MAP4K3: variants seen among roughly 807,000 people sequenced by gnomAD.
The protein encoded by MAP4K3 is MAPK/ERK kinase kinase kinase 3.
MAP4K3 carries 94 observed loss-of-function variants against 143.5 expected under a neutral mutation model. The ratio of observed to expected loss-of-function variants is 0.65; its 90% confidence interval spans 0.55 to 0.78. MAP4K3 has a LOEUF of 0.78. Among genes scored for constraint, MAP4K3 ranks in the 30% least tolerant of loss-of-function variants. The pLI is 0.00. For synonymous variants in MAP4K3, 416 were observed against 347.2 expected (o/e 1.20, Z -2.20); for missense variants, 1,077 against 1,068.1 (o/e 1.01, Z -0.12).
chr2:39,272,242 G>T (rs1454696299), intron 26 of MAP4K3, 41 bp downstream of exon 26: 4 of 1,380,278 alleles, frequency 2.9e-6, no homozygotes, highest in Middle Eastern at 1.8e-4. Flanking sequence ...TTATGAGAAT[G>T]AACTGTTAAT....
At chr2:39,322,627 T>G (rs2148512621) in intron 12 of MAP4K3, among the ~76,000 whole-genome samples, 2 of 151,514 alleles carry the variant, frequency 1.3e-5, no homozygotes, top group East Asian at 3.9e-4. Context: ...TATATATGTA[T>G]ATATAGATAA....
In MAP4K3 at chr2:39,436,293, T is replaced by C. The variant is rs1483201953; in HGVS notation, c.96+599A>G. Among the ~76,000 whole-genome samples, 11 of 151,892 alleles carry C rather than the reference T, an allele frequency of 7.2e-5. No individual in the cohort carries two copies. The East Asian group carries it at 1.9e-3, about 27-fold the overall frequency. ...AAATGGCATCGCAGTCCAATTCGAC[T>C]TAGAGAAAACAAAGTTGCTCTTTCC... On this transcript the variant is annotated intron_variant, in intron 1 of 33. Coordinates refer to ENST00000263881, the MANE Select transcript of MAP4K3 (RefSeq NM_003618.4).
At chr2:39,315,976 T>C (rs1266755542) in intron 12 of MAP4K3, among the ~76,000 whole-genome samples, 3 of 152,164 alleles carry the variant, frequency 2.0e-5, no homozygotes, top group Non-Finnish European at 4.4e-5. Context: ...TGTAATCGAT[T>C]TAACTAAGAC....
At chr2:39,315,510 T>G in intron 12 of MAP4K3, 122 bp from the exon 13 acceptor site, 1 of 529,742 alleles carries the variant, frequency 1.9e-6, no homozygotes, top group Non-Finnish European at 3.0e-6. Context: ...AAAACAGCAC[T>G]TTGCAAATTT....
In MAP4K3 at chr2:39,288,115, C is replaced by A; in HGVS notation, c.1474+6G>T. On this transcript the variant is annotated splice_donor_region_variant and intron_variant, in intron 20 of 33. Coordinates refer to ENST00000263881, the MANE Select transcript of MAP4K3 (RefSeq NM_003618.4). ...TAACATATTTGCTGTCACCCTCCAC[C>A]ATTACCTAAGGCAACAGGTTTGTGT... 1 of 1,613,692 alleles carries A rather than the reference C, an allele frequency of 6.2e-7. No homozygotes were observed. Among genetic ancestry groups the A allele is most frequent in the Non-Finnish European group, 8.5e-7 (1 of 1,179,782 alleles).
At chr2:39,434,371 G>C (rs78654976) in intron 1 of MAP4K3, among the ~76,000 whole-genome samples, 9,853 of 152,204 alleles carry the variant, frequency 0.065, 392 homozygotes, top group South Asian at 0.12. Flanking sequence ...AGGGGTACAT[G>C]ATGTCAAGAA....
intron 16 of MAP4K3, chr2:39,294,286 T>G (rs1205337547): frequency 1.3e-5 from 2 of 152,200 alleles, no homozygotes; most frequent in African/African-American, 4.8e-5. Flanking sequence ...TGTAAGCAAT[T>G]AACAGAATAG....
chr2:39,341,607 G>A (rs1354584046), intron 4 of MAP4K3, among the ~76,000 whole-genome samples: 1 of 151,084 alleles, frequency 6.6e-6, no homozygotes, highest in Admixed American at 6.6e-5. Context: ...AGTGAGCCGA[G>A]ATAGCACCAC....
intron 1 of MAP4K3, among the ~76,000 whole-genome samples, chr2:39,418,454 T>C (rs1386562830): frequency 1.3e-5 from 2 of 152,226 alleles, no homozygotes; most frequent in African/African-American, 2.4e-5. Context: ...AGCTACTCCC[T>C]TCCTCAAAGA....
chr2:39,331,739 G>C (rs1000176950), intron 8 of MAP4K3, among the ~76,000 whole-genome samples, 178 bp downstream of exon 8: 2 of 152,010 alleles, frequency 1.3e-5, no homozygotes, highest in Non-Finnish European at 2.9e-5. Context: ...AAAATAACAT[G>C]GTAGGATATT....
intron 2 of MAP4K3, among the ~76,000 whole-genome samples, chr2:39,370,188 A>C (rs367765961): frequency 6.6e-6 from 1 of 152,214 alleles, no homozygotes; most frequent in Non-Finnish European, 1.5e-5. Flanking sequence ...TTACCTTTCA[A>C]TGTGTAAATA....
chr2:39,260,782 A>G lies in MAP4K3; in HGVS notation c.2137-5T>C, dbSNP rs1680537535. On this transcript the variant is annotated splice_region_variant and splice_polypyrimidine_tract_variant and intron_variant, in intron 28 of 33. Coordinates refer to ENST00000263881, the MANE Select transcript of MAP4K3 (RefSeq NM_003618.4). ...TGGTATAGGAAAATCTATGTGCTAG[A>G]GAAAGAAACAAAAATACATTAAACC... 1.3e-6 allele frequency: 2 copies of G among 1,595,188 alleles called. No homozygotes were observed. Among genetic ancestry groups the G allele is most frequent in the Non-Finnish European group, 1.7e-6 (2 of 1,167,374 alleles).
chr2:39,345,890 C>G (rs943251170), intron 3 of MAP4K3, among the ~76,000 whole-genome samples: 3 of 136,048 alleles, frequency 2.2e-5, no homozygotes, highest in Non-Finnish European at 4.6e-5. Flanking sequence ...CCACTGCACT[C>G]CAGCCTGAGT....
chr2:39,286,976 T>C lies in MAP4K3; in HGVS notation c.1475-12A>G, dbSNP rs764820172. 7 of 1,506,184 alleles carry C rather than the reference T, an allele frequency of 4.6e-6. No homozygotes were observed. In the East Asian group the frequency reaches 1.4e-4, roughly 29 times the overall value. The allele number at this position is 1,506,184 out of a possible 1,614,324, so 93.3% of individuals were successfully genotyped here. A position where few individuals can be genotyped will look rare whatever the true frequency, so the allele number is the denominator to read the frequency against. ...GCTCATTCCATTTCCTTCAATAAGA[T>C]ATATTCATTGAAAATGATTAATCTT... is the stretch of plus-strand genomic sequence containing the variant. On this transcript the variant is annotated splice_polypyrimidine_tract_variant and intron_variant, in intron 20 of 33. Coordinates refer to ENST00000263881, the MANE Select transcript of MAP4K3 (RefSeq NM_003618.4).
In MAP4K3 at chr2:39,251,951, A is replaced by G; in HGVS notation, c.2542-66T>C. 5 of 987,814 alleles carry G rather than the reference A, an allele frequency of 5.1e-6. No individual in the cohort carries two copies. The South Asian group carries it at 6.7e-5, about 13-fold the overall frequency. The allele number at this position is 987,814 out of a possible 1,614,324, so 61.2% of individuals were successfully genotyped here. ...ACACAAAATTTTTAATGGGCACTTC[A>G]TTATAATTCAACAGAAAAGAAACAT... is the stretch of plus-strand genomic sequence containing the variant. On this transcript the variant is annotated intron_variant, in intron 32 of 33. Transcript: ENST00000263881.
At chr2:39,260,530 TA>T in intron 29 of MAP4K3, 75 bp downstream of exon 29, 1 of 1,231,468 alleles carries the variant, frequency 8.1e-7, no homozygotes, top group Non-Finnish European at 1.2e-6. Flanking sequence ...TTTTCCTTAG[TA>T]AGAGATACAG....
chr2:39,415,573 G>A lies in MAP4K3; in HGVS notation c.96+21319C>T, dbSNP rs113047316. ...CACTGTGCCACTTTATCAAGTTCCTGTGGTATTTATGTCTCTCCAATCCTT... is the reference window on the plus strand; with the variant it reads ...CACTGTGCCACTTTATCAAGTTCCTATGGTATTTATGTCTCTCCAATCCTT... On this transcript the variant is annotated intron_variant, in intron 1 of 33. Transcript: ENST00000263881. Among the ~76,000 whole-genome samples, 467 of 152,240 alleles carry A rather than the reference G, an allele frequency of 3.1e-3. 3 individuals carry two copies. The highest frequency in any genetic ancestry group is 0.011 in the African/African-American group (447 of 41,534).
chr2:39,285,774 C>A (rs529024737), intron 21 of MAP4K3, among the ~76,000 whole-genome samples: 1 of 151,946 alleles, frequency 6.6e-6, no homozygotes, highest in South Asian at 2.1e-4. Flanking sequence ...ACAAAAACTT[C>A]CAAAAAACCC....
intron 13 of MAP4K3, among the ~76,000 whole-genome samples, chr2:39,314,766 C>A (rs1683058800): frequency 6.6e-6 from 1 of 152,166 alleles, no homozygotes; most frequent in Admixed American, 6.5e-5. Flanking sequence ...TAAGAAATAA[C>A]TGGAGGCCTA....
Sources: gnomAD v4.1 joint callset for allele counts (sites outside exome capture counted in the v4.1 genomes callset) on GRCh38, gnomAD v4.1.1 for gene constraint, MANE v1.5 for transcripts, NCBI Gene and HGNC (gene_info 2026-07-23, HGNC 2026-07-21) for gene names.